Variants in STK33 observed in about 807,000 individuals in gnomAD.
The protein encoded by STK33 is serine/threonine kinase 33.
In STK33, 52 loss-of-function variants were observed where a neutral mutation model predicts 58.0. That is an observed-to-expected ratio of 0.90 (90% CI 0.72 to 1.13). The LOEUF (loss-of-function observed/expected upper bound fraction) is 1.13. STK33 is among the 50% of genes most tolerant of loss of function. The pLI is 0.00. For missense variants in STK33, 630 were observed against 604.2 expected (o/e 1.04, Z -0.45); for synonymous variants, 215 against 200.1 (o/e 1.07, Z -0.63).
At chr11:8,544,524 T>C (rs1955768258) in intron 1 of STK33, among the ~76,000 whole-genome samples, 1 of 151,724 alleles carries the variant, frequency 6.6e-6, no homozygotes, top group African/African-American at 2.4e-5. Flanking sequence ...ACTGTTTTAC[T>C]ATCTACATAA....
intron 4 of STK33, 36 bp downstream of exon 4, chr11:8,476,651 T>A (rs919519021): frequency 6.6e-6 from 1 of 152,186 alleles, no homozygotes; most frequent in Non-Finnish European, 1.5e-5. Flanking sequence ...AACCACCTCA[T>A]CTAAAACAAC....
chr11:8,354,474 T>TCACACACA, the STK33 span, among the ~76,000 whole-genome samples: 5,662 of 124,604 alleles, frequency 0.045, 179 homozygotes, highest in Middle Eastern at 0.067. Flanking sequence ...CTGCAAAACC[T>TCACACACA]CACACACACA....
At chr11:8,429,360 T>C (rs1943141546) in intron 14 of STK33, among the ~76,000 whole-genome samples, 1 of 152,210 alleles carries the variant, frequency 6.6e-6, no homozygotes, top group African/African-American at 2.4e-5. Context: ...TTTGAACAGA[T>C]TGTTCCAAAA....
At chr11:8,523,938 C>G (rs7950870) in intron 1 of STK33, among the ~76,000 whole-genome samples, 1 of 152,014 alleles carries the variant, frequency 6.6e-6, no homozygotes, top group Admixed American at 6.5e-5. Flanking sequence ...TGGAAAGAAG[C>G]AGACATGGGA....
At chr11:8,515,261 A>G (rs992058901) in intron 1 of STK33, among the ~76,000 whole-genome samples, 3 of 152,210 alleles carry the variant, frequency 2.0e-5, no homozygotes, top group Non-Finnish European at 4.4e-5. Context: ...AATAAAAAGA[A>G]TCATAAGAGA....
At chr11:8,423,776 T>A (rs1393775553) in intron 14 of STK33, among the ~76,000 whole-genome samples, 2 of 152,076 alleles carry the variant, frequency 1.3e-5, no homozygotes, top group African/African-American at 2.4e-5. Flanking sequence ...GTTTCATATA[T>A]CAGTAGTTGA....
the STK33 span, among the ~76,000 whole-genome samples, chr11:8,381,639 C>T: frequency 6.6e-6 from 1 of 152,182 alleles, no homozygotes; most frequent in Non-Finnish European, 1.5e-5. Flanking sequence ...GTCTAGTGAG[C>T]ACCGAGCAGC....
At chr11:8,591,603 T>C (rs2032601002) in intron 1 of STK33, among the ~76,000 whole-genome samples, 1 of 152,116 alleles carries the variant, frequency 6.6e-6, no homozygotes, top group African/African-American at 2.4e-5. Flanking sequence ...CATTCCCTCA[T>C]CCTCCATACA....
At chr11:8,490,682 C>T (rs1050624369) in intron 1 of STK33, among the ~76,000 whole-genome samples, 1 of 152,124 alleles carries the variant, frequency 6.6e-6, no homozygotes, top group Non-Finnish European at 1.5e-5. Flanking sequence ...TGATTGACAC[C>T]TCATACAGGC....
the STK33 span, among the ~76,000 whole-genome samples, chr11:8,362,991 C>T: frequency 6.6e-6 from 1 of 151,706 alleles, no homozygotes; most frequent in African/African-American, 2.4e-5. Context: ...ACGCACTGCA[C>T]ACCTGAAGGG....
At chr11:8,383,119 C>T in the STK33 span, among the ~76,000 whole-genome samples, 28 of 152,300 alleles carry the variant, frequency 1.8e-4, no homozygotes, top group African/African-American at 5.5e-4. Context: ...CTGGGGGTGA[C>T]GGGCCACACT....
chr11:8,373,159 C>T, the STK33 span, among the ~76,000 whole-genome samples: 2 of 152,152 alleles, frequency 1.3e-5, no homozygotes, highest in Non-Finnish European at 2.9e-5. Flanking sequence ...TCGGCTTGTT[C>T]TCACAGCAAA....
intron 1 of STK33, among the ~76,000 whole-genome samples, chr11:8,559,811 T>A (rs1957002033): frequency 6.6e-6 from 1 of 152,194 alleles, no homozygotes; most frequent in Non-Finnish European, 1.5e-5. Flanking sequence ...TTCCAATGGT[T>A]CTGTGTAACA....
At chr11:8,367,123 T>C in the STK33 span, among the ~76,000 whole-genome samples, 1 of 152,398 alleles carries the variant, frequency 6.6e-6, no homozygotes, top group South Asian at 2.1e-4. Flanking sequence ...GTTTTGTATA[T>C]ATGTGTGAAC....
intron 1 of STK33, among the ~76,000 whole-genome samples, chr11:8,587,880 C>T (rs771305857): frequency 6.6e-6 from 1 of 152,222 alleles, no homozygotes; most frequent in African/African-American, 2.4e-5. Context: ...AGCTTACATC[C>T]TCAACAGGCC....
rs1032515638 is a variant in STK33 at position 8,480,530 on chromosome 11, T to G, written c.-381A>C. The G allele has an allele frequency of 3.3e-5, 5 of 152,178 alleles. No individual in the cohort carries two copies. Among genetic ancestry groups the G allele is most frequent in the Non-Finnish European group, 5.9e-5 (4 of 68,112 alleles). 9.4% of individuals were successfully genotyped at this position (152,178 alleles called of 1,614,324 possible). Reference sequence around the variant, plus strand: ...TGGAACAGAGCAGCATTATTGGAATTTACCCTGGAGTGGGGAGGGGCGTAG... The same window carrying G: ...TGGAACAGAGCAGCATTATTGGAATGTACCCTGGAGTGGGGAGGGGCGTAG... On this transcript the variant is annotated 5_prime_UTR_variant, in exon 2 of 16. Transcript: ENST00000687296.
At chr11:8,560,880 C>T (rs529128621) in intron 1 of STK33, among the ~76,000 whole-genome samples, 3 of 152,118 alleles carry the variant, frequency 2.0e-5, no homozygotes, top group Non-Finnish European at 2.9e-5. Flanking sequence ...TGCTATGTGG[C>T]AGTGCCTAGA....
chr11:8,419,078 T>C (rs974362079), intron 14 of STK33, among the ~76,000 whole-genome samples: 4 of 152,226 alleles, frequency 2.6e-5, no homozygotes, highest in Non-Finnish European at 5.9e-5. Flanking sequence ...AGAAGCTCTT[T>C]AGTTTAATTA....
chr11:8,394,835 A>G (rs886262388), intron 15 of STK33, among the ~76,000 whole-genome samples: 1 of 152,196 alleles, frequency 6.6e-6, no homozygotes, highest in African/African-American at 2.4e-5. Flanking sequence ...TTGTAGTAAG[A>G]TAAGAAAATG....
Sources: gnomAD v4.1 joint callset for allele counts (sites outside exome capture counted in the v4.1 genomes callset) on GRCh38, gnomAD v4.1.1 for gene constraint, MANE v1.5 for transcripts, NCBI Gene and HGNC (gene_info 2026-07-23, HGNC 2026-07-21) for gene names.